The following SHROOM4 variants were observed in gnomAD, a reference collection of about 807,000 sequenced individuals.
SHROOM4 encodes shroom family member 4, also known as protein Shroom4.
In SHROOM4, 17 loss-of-function variants were observed where a neutral mutation model predicts 80.3. The ratio of observed to expected loss-of-function variants is 0.21; its 90% CI spans 0.14 to 0.32. SHROOM4 has a LOEUF of 0.32. Ranked by LOEUF, SHROOM4 falls within the 10% of genes least tolerant of loss-of-function variation. SHROOM4 has a pLI of 1.00. For synonymous variants in SHROOM4, 400 were observed against 437.5 expected, an observed-to-expected ratio of 0.91 and a Z score of 1.07; for missense variants, 993 against 1,140.3, an observed-to-expected ratio of 0.87 and a Z score of 1.86.
intron 2 of SHROOM4, among the ~76,000 whole-genome samples, chrX:50,671,192 G>C (rs1932794736): frequency 8.9e-6 from 1 of 111,817 alleles, no homozygotes; most frequent in African/African-American, 3.3e-5. Flanking sequence ...TCCAGGTTTG[G>C]TTCCATTTAT....
intron 5 of SHROOM4, among the ~76,000 whole-genome samples, chrX:50,622,029 G>A (rs1180925028): frequency 8.9e-6 from 1 of 111,934 alleles, no homozygotes; most frequent in Non-Finnish European, 1.9e-5. Context: ...ATCTCTTTGT[G>A]AGTCAATTTC....
At chrX:50,703,812 C>T (rs1557263720) in intron 1 of SHROOM4, among the ~76,000 whole-genome samples, 1 of 112,019 alleles carries the variant, frequency 8.9e-6, no homozygotes. Context: ...TACCCAGTCT[C>T]AGGTAGTATC....
At chrX:50,667,999 A>T (rs1557260478) in intron 2 of SHROOM4, among the ~76,000 whole-genome samples, 2 of 111,832 alleles carry the variant, frequency 1.8e-5, no homozygotes, top group Non-Finnish European at 3.8e-5. Context: ...CTGTGGCCCC[A>T]GCCACCCTCA....
chrX:50,743,947 C>G (rs1934722509), intron 1 of SHROOM4, among the ~76,000 whole-genome samples: 1 of 111,480 alleles, frequency 9.0e-6, no homozygotes, highest in Non-Finnish European at 1.9e-5. Flanking sequence ...TCCTGTTACC[C>G]ACTTTTTCTG....
At chrX:50,742,645 G>C (rs1057294208) in intron 1 of SHROOM4, among the ~76,000 whole-genome samples, 1 of 103,073 alleles carries the variant, frequency 9.7e-6, no homozygotes, top group African/African-American at 3.6e-5. Flanking sequence ...ATTTTTCGGG[G>C]GGGGGGGCAA....
At chrX:50,586,039 G>A (rs1928753110), downstream of SHROOM4, among the ~76,000 whole-genome samples, 1 of 111,183 alleles carries the variant, frequency 9.0e-6, no homozygotes, top group South Asian at 3.8e-4. Flanking sequence ...TCTTACCACT[G>A]CCCACTTTTC....
At chrX:50,608,580 T>C (rs1338074413) in intron 5 of SHROOM4, among the ~76,000 whole-genome samples, 1 of 112,016 alleles carries the variant, frequency 8.9e-6, no homozygotes, top group African/African-American at 3.2e-5. Context: ...GATATACACA[T>C]ACTACCCCAG....
chrX:50,645,275 G>A (rs1405258788), intron 2 of SHROOM4, among the ~76,000 whole-genome samples: 1 of 112,016 alleles, frequency 8.9e-6, no homozygotes, highest in East Asian at 2.8e-4. Context: ...AATGCATCAG[G>A]TTAAAATCTC....
intron 1 of SHROOM4, among the ~76,000 whole-genome samples, chrX:50,807,485 A>G (rs1355596033): frequency 8.9e-6 from 1 of 112,059 alleles, no homozygotes; most frequent in Non-Finnish European, 1.9e-5. Flanking sequence ...TAGCATCTTC[A>G]ATCTTGGAGA....
chrX:50,808,716 T>C (rs1236129091), intron 1 of SHROOM4, among the ~76,000 whole-genome samples: 1 of 110,372 alleles, frequency 9.1e-6, no homozygotes, highest in Non-Finnish European at 1.9e-5. Context: ...CTTTTTTCTT[T>C]AAAGAAATTC....
At chrX:50,736,249 A>C (rs782266075) in intron 1 of SHROOM4, among the ~76,000 whole-genome samples, 122 of 110,560 alleles carry the variant, frequency 1.1e-3, no homozygotes, top group Middle Eastern at 4.6e-3. Flanking sequence ...AAGCAGTCTA[A>C]TTTTTATTTT....
chrX:50,709,551 T>C (rs1174836466), intron 1 of SHROOM4, among the ~76,000 whole-genome samples: 2 of 111,688 alleles, frequency 1.8e-5, no homozygotes, highest in Non-Finnish European at 3.8e-5. Context: ...TGCAGCAAGA[T>C]CAGTTAGGAC....
At chrX:50,809,911 A>G (rs887182579) in intron 1 of SHROOM4, among the ~76,000 whole-genome samples, 32 of 111,847 alleles carry the variant, frequency 2.9e-4, no homozygotes, top group African/African-American at 9.8e-4. Context: ...TGGGTCATGT[A>G]TCTTTTACTT....
intron 5 of SHROOM4, among the ~76,000 whole-genome samples, chrX:50,618,416 C>G (rs1307524757): frequency 9.9e-5 from 9 of 90,473 alleles, no homozygotes; most frequent in Admixed American, 1.2e-4. Flanking sequence ...TCCTTCCTTC[C>G]TTCCTTTCTT....
intron 1 of SHROOM4, among the ~76,000 whole-genome samples, chrX:50,712,952 G>T (rs1933854086): frequency 9.0e-6 from 1 of 111,321 alleles, no homozygotes; most frequent in South Asian, 3.8e-4. Context: ...AAGGGGTTGC[G>T]TCTGGCTTCT....
At chrX:50,598,056 C>T (rs1281682017) in intron 8 of SHROOM4, among the ~76,000 whole-genome samples, 1 of 111,093 alleles carries the variant, frequency 9.0e-6, no homozygotes, top group African/African-American at 3.3e-5. Context: ...CCAGGTTGGT[C>T]TCAAACTCCT....
intron 3 of SHROOM4, among the ~76,000 whole-genome samples, chrX:50,636,733 T>C (rs1215126503): frequency 9.0e-6 from 1 of 111,658 alleles, no homozygotes; most frequent in Non-Finnish European, 1.9e-5. Flanking sequence ...CACTTCACAA[T>C]GGAAGAATCT....
intron 2 of SHROOM4, among the ~76,000 whole-genome samples, chrX:50,664,866 A>G: frequency 9.1e-6 from 1 of 109,538 alleles, no homozygotes; most frequent in Middle Eastern, 4.7e-3. Context: ...ACACATAATG[A>G]GGTGTTCTCC....
chrX:50,620,428 T>C (rs1363777103), intron 5 of SHROOM4, among the ~76,000 whole-genome samples: 1 of 112,071 alleles, frequency 8.9e-6, no homozygotes, highest in Non-Finnish European at 1.9e-5. Context: ...TTTCCATGAG[T>C]ATAATAAGCA....
Sources: gnomAD v4.1 joint callset for allele counts (sites outside exome capture counted in the v4.1 genomes callset) on GRCh38, gnomAD v4.1.1 for gene constraint, MANE v1.5 for transcripts, NCBI Gene and HGNC (gene_info 2026-07-23, HGNC 2026-07-21) for gene names.